Variants in ZMYND8 observed in about 807,000 individuals in gnomAD.
ZMYND8 encodes zinc finger MYND-type containing 8, also known as MYND-type zinc finger-containing chromatin reader ZMYND8.
In ZMYND8, 37 loss-of-function variants were observed where a neutral mutation model predicts 140.8. The observed-to-expected ratio is 0.26, with a 90% CI of 0.20 to 0.35. The LOEUF is 0.35. ZMYND8 is among the 10% of genes least tolerant of loss of function. The probability of loss-of-function intolerance (pLI) is 1.00; values close to 1 mark genes in which losing one functional copy is unlikely to be tolerated. For synonymous variants in ZMYND8, 592 were observed against 597.1 expected (o/e 0.99, Z 0.12); for missense variants, 1,068 against 1,570.0 (o/e 0.68, Z 5.40).
At chr20:47,313,434 A>G (rs1034389618) in intron 2 of ZMYND8, among the ~76,000 whole-genome samples, 6 of 151,492 alleles carry the variant, frequency 4.0e-5, no homozygotes, top group South Asian at 2.1e-4. Context: ...CATCCTGGCT[A>G]ACATGGTGAA....
In ZMYND8 at chr20:47,333,430, G is replaced by A. The variant is rs538743644; in HGVS notation, c.85+14426C>T. Among the ~76,000 whole-genome samples the A allele has an allele frequency of 9.2e-5, 14 of 151,734 alleles. No individual in the cohort carries two copies. The South Asian group carries it at 2.1e-3, about 23-fold the overall frequency. ...CAGCCTGGCCAACAGGTGAAACCCC[G>A]TCTCTACTAAAAATACATGGCAGGG... On this transcript the variant is annotated intron_variant, in intron 2 of 22. Coordinates refer to ENST00000471951, the MANE Select transcript of ZMYND8 (RefSeq NM_001281775.3).
intron 12 of ZMYND8, among the ~76,000 whole-genome samples, chr20:47,250,235 A>G (rs1300420746): frequency 6.6e-6 from 1 of 152,108 alleles, no homozygotes; most frequent in Non-Finnish European, 1.5e-5. Flanking sequence ...TTCCAAAGTC[A>G]GTGAGCTTAC....
chr20:47,212,836 T>C (rs1384450212), intron 21 of ZMYND8, 111 bp from the exon 22 acceptor site: 1 of 927,922 alleles, frequency 1.1e-6, no homozygotes, highest in Non-Finnish European at 1.6e-6. Context: ...TTAGAACCAG[T>C]TGGCACCTTC....
chr20:47,289,575 C>A (rs2077128505), intron 7 of ZMYND8, among the ~76,000 whole-genome samples: 2 of 148,156 alleles, frequency 1.3e-5, no homozygotes, highest in Non-Finnish European at 3.0e-5. Flanking sequence ...TGAGCATCAA[C>A]AAGGTAAATG....
intron 14 of ZMYND8, 93 bp from the exon 15 acceptor site, chr20:47,239,231 T>C: frequency 7.1e-7 from 1 of 1,412,568 alleles, no homozygotes; most frequent in Non-Finnish European, 9.2e-7. Context: ...GGGTAAAACC[T>C]ATGAAAGCCA....
chr20:47,334,873 G>A (rs1434812187), intron 2 of ZMYND8, among the ~76,000 whole-genome samples: 1 of 150,808 alleles, frequency 6.6e-6, no homozygotes, highest in Non-Finnish European at 1.5e-5. Context: ...GCCTCCCAAA[G>A]TGCTGGGATT....
chr20:47,285,757 G>C (rs757725524), intron 8 of ZMYND8: 61 of 984,320 alleles, frequency 6.2e-5, no homozygotes, highest in Non-Finnish European at 6.5e-5. Context: ...GTAATTAAAT[G>C]AATGTCCATG....
intron 3 of ZMYND8, among the ~76,000 whole-genome samples, chr20:47,300,437 T>C (rs1198942990): frequency 6.6e-6 from 1 of 152,206 alleles, no homozygotes. Context: ...GTTGGTGAGA[T>C]CCTGCATACT....
intron 19 of ZMYND8, among the ~76,000 whole-genome samples, chr20:47,223,099 A>T (rs1182483725): frequency 6.6e-6 from 1 of 152,268 alleles, no homozygotes; most frequent in Non-Finnish European, 1.5e-5. Flanking sequence ...ATCCGCAGAC[A>T]TACTACTTTA....
At chr20:47,267,741 C>A (rs949166125) in intron 11 of ZMYND8, among the ~76,000 whole-genome samples, 1 of 152,350 alleles carries the variant, frequency 6.6e-6, no homozygotes, top group East Asian at 1.9e-4. Flanking sequence ...TCAAACCCAA[C>A]CTTTCCTTTC....
intron 10 of ZMYND8, among the ~76,000 whole-genome samples, chr20:47,277,519 C>T (rs2147808437): frequency 6.6e-6 from 1 of 152,360 alleles, no homozygotes; most frequent in African/African-American, 2.4e-5. Flanking sequence ...GATACAGGGA[C>T]ATCCCAGAAA....
intron 2 of ZMYND8, among the ~76,000 whole-genome samples, chr20:47,328,422 G>A (rs1443200118): frequency 6.8e-6 from 1 of 147,354 alleles, no homozygotes; most frequent in Non-Finnish European, 1.5e-5. Flanking sequence ...TTTATCATTT[G>A]AAAGGAAAAT....
chr20:47,276,910 TAAAAAAA>T (rs10717572), intron 10 of ZMYND8, 115 bp from the exon 11 acceptor site: 2 of 514,874 alleles, frequency 3.9e-6, no homozygotes, highest in Middle Eastern at 5.9e-4. Context: ...CTTATTCTAT[TAAAAAAA>T]AAAAAAAAAA....
rs1569114813 is a variant in ZMYND8 at position 47,291,856 on chromosome 20, T to C, written c.600A>G (p.Glu200=). ...TDAFQKPVPL[E]QHPDYAEYIF... is the part of the protein sequence containing the mutation. ...TGTATTCCGCATAGTCAGGGTGCTG[T>C]TCCAATGGAACGGGCTTCTGGAATG... Residue 200 remains glutamate, a synonymous_variant, in exon 6 of 23, where the codon GAA becomes GAG. Coordinates refer to ENST00000471951, the MANE Select transcript of ZMYND8 (RefSeq NM_001281775.3). The C allele has an allele frequency of 6.2e-7, 1 of 1,613,358 alleles. No individual in the cohort carries two copies. The highest frequency in any genetic ancestry group is 2.2e-5 in the East Asian group (1 of 44,850).
At chr20:47,351,190 G>C (rs2082749852) in intron 1 of ZMYND8, among the ~76,000 whole-genome samples, 1 of 152,142 alleles carries the variant, frequency 6.6e-6, no homozygotes, top group African/African-American at 2.4e-5. Flanking sequence ...ATGAACTACT[G>C]CACCTCCAGG....
rs1457724252 is a variant in ZMYND8 at position 47,321,511 on chromosome 20, C to T, written c.86-11307G>A. Among the ~76,000 whole-genome samples, 3 of 152,336 alleles carry T rather than the reference C, an allele frequency of 2.0e-5. No individual in the cohort carries two copies. The East Asian group carries it at 5.8e-4, about 29-fold the overall frequency. On this transcript the variant is annotated intron_variant, in intron 2 of 22. Transcript: ENST00000471951. ...TCCACAGTGCCAAGGCTGAGAAATC[C>T]TGGTAGAAAGAAACTTCAGTGAGCT...
At chr20:47,291,299 T>A (rs1299969450) in intron 6 of ZMYND8, among the ~76,000 whole-genome samples, 1 of 152,216 alleles carries the variant, frequency 6.6e-6, no homozygotes, top group East Asian at 1.9e-4. Flanking sequence ...GTGTTCCAAG[T>A]GTAATTTTCA....
chr20:47,260,500 A>T (rs80002436), intron 12 of ZMYND8, among the ~76,000 whole-genome samples: 6,794 of 151,502 alleles, frequency 0.045, 508 homozygotes, highest in African/African-American at 0.16. Flanking sequence ...ACTTAATCCT[A>T]ACCCTAGAGC....
At position 47,303,066 on chromosome 20, in the gene ZMYND8, C is replaced by A. The variant is rs374262955; in HGVS notation, c.235-4119G>T. ...AACGTCTCCAGACTTTGCCCAACGT[C>A]CCTTGGAGGTCAAAACTGTCCCTAG... On this transcript the variant is annotated intron_variant, in intron 3 of 22. Transcript: ENST00000471951. Among the ~76,000 whole-genome samples the A allele has an allele frequency of 3.3e-5, 5 of 152,100 alleles. No homozygotes were observed. The South Asian group carries it at 6.2e-4, about 19-fold the overall frequency.
Sources: gnomAD v4.1 joint callset for allele counts (sites outside exome capture counted in the v4.1 genomes callset) on GRCh38, gnomAD v4.1.1 for gene constraint, MANE v1.5 for transcripts, NCBI Gene and HGNC (gene_info 2026-07-23, HGNC 2026-07-21) for gene names.